The following SGIP1 variants were observed in gnomAD, a reference collection of about 807,000 sequenced individuals.
SGIP1 encodes SH3GL interacting endocytic adaptor 1, also known as SH3-containing GRB2-like protein 3-interacting protein 1.
In SGIP1, 38 loss-of-function variants were observed where a neutral mutation model predicts 107.5. That is an observed-to-expected ratio of 0.35 (90% CI 0.27 to 0.46). The LOEUF (loss-of-function observed/expected upper bound fraction) is 0.46. Ranked by LOEUF, SGIP1 falls within the 20% of genes least tolerant of loss-of-function variation. SGIP1 has a pLI of 1.00. For synonymous variants in SGIP1, 365 were observed against 366.1 expected (o/e 1.00, Z 0.03); for missense variants, 929 against 1,019.5 (o/e 0.91, Z 1.21).
intron 1 of SGIP1, among the ~76,000 whole-genome samples, chr1:66,594,211 T>A (rs368903487): frequency 7.4e-4 from 112 of 152,202 alleles, no homozygotes; most frequent in African/African-American, 2.6e-3. Context: ...ATAAACTTTT[T>A]TTCATTTTAA....
intron 21 of SGIP1, among the ~76,000 whole-genome samples, chr1:66,738,083 T>C (rs1340077177): frequency 6.6e-6 from 1 of 152,226 alleles, no homozygotes; most frequent in Non-Finnish European, 1.5e-5. Flanking sequence ...TCTGCTTTAG[T>C]TAATAGATTT....
chr1:66,643,341 G>A (rs2077113729), intron 6 of SGIP1, among the ~76,000 whole-genome samples: 1 of 152,130 alleles, frequency 6.6e-6, no homozygotes, highest in Admixed American at 6.6e-5. Context: ...TAGAACCATT[G>A]CTTCTTGAAA....
intron 1 of SGIP1, among the ~76,000 whole-genome samples, chr1:66,546,091 T>C (rs1376293334): frequency 2.0e-5 from 3 of 152,170 alleles, no homozygotes; most frequent in South Asian, 2.1e-4. Context: ...AGTTAAAATA[T>C]GCAAAACATT....
intron 1 of SGIP1, among the ~76,000 whole-genome samples, chr1:66,589,380 G>T: frequency 6.7e-6 from 1 of 150,142 alleles, no homozygotes; most frequent in Non-Finnish European, 1.5e-5. Context: ...AAGAAATTCT[G>T]TTCTTAACCC....
At chr1:66,670,787 T>C (rs2083592025) in intron 9 of SGIP1, among the ~76,000 whole-genome samples, 1 of 152,222 alleles carries the variant, frequency 6.6e-6, no homozygotes, top group South Asian at 2.1e-4. Context: ...ATTTACCCTT[T>C]CTTCCTCTCT....
intron 3 of SGIP1, among the ~76,000 whole-genome samples, chr1:66,634,315 C>T (rs888323555): frequency 1.3e-5 from 2 of 152,138 alleles, no homozygotes; most frequent in Non-Finnish European, 2.9e-5. Flanking sequence ...GCTTCTCTAC[C>T]TCTGCCACTC....
chr1:66,630,867 GAAAGAAAGAAAGAAAGAAAGAAA>G (rs2074250937), intron 2 of SGIP1, among the ~76,000 whole-genome samples: 1 of 36,212 alleles, frequency 2.8e-5, no homozygotes, highest in Non-Finnish European at 4.5e-5. Context: ...AAGAAAGAAA[GAAAGAAAGAAAGAAAGAAAGAAA>G]GAAAGAAAGA....
chr1:66,599,321 G>A (rs763361736), intron 1 of SGIP1, among the ~76,000 whole-genome samples: 72 of 152,154 alleles, frequency 4.7e-4, no homozygotes, highest in Non-Finnish European at 8.2e-4. Flanking sequence ...AATCCCATAA[G>A]ATAGGTATAA....
In SGIP1 at chr1:66,695,338, T is replaced by G. The variant is rs755284085; in HGVS notation, c.1571-96T>G. 6.2e-6 allele frequency: 10 copies of G among 1,602,878 alleles called. No homozygotes were observed. In the African/African-American group the frequency reaches 1.4e-4, roughly 22 times the overall value. On this transcript the variant is annotated intron_variant, in intron 17 of 24. Coordinates refer to ENST00000371037, the MANE Select transcript of SGIP1 (RefSeq NM_032291.4). Reference sequence around the variant, plus strand: ...CATGTAGTGCCTCCACCCTTCCCTATAGTGAGATTAATGACCTGCTCTGTA... The same window carrying G: ...CATGTAGTGCCTCCACCCTTCCCTAGAGTGAGATTAATGACCTGCTCTGTA...
chr1:66,663,770 A>C (rs2081989740), intron 8 of SGIP1, among the ~76,000 whole-genome samples: 1 of 152,226 alleles, frequency 6.6e-6, no homozygotes, highest in South Asian at 2.1e-4. Context: ...TTACTAGAAA[A>C]AAAATTAAAC....
At chr1:66,560,278 C>G (rs10889628) in intron 1 of SGIP1, among the ~76,000 whole-genome samples, 49,590 of 151,864 alleles carry the variant, frequency 0.33, 8,609 homozygotes, top group South Asian at 0.63. Context: ...AAATAAGTAC[C>G]CAGTTGATTT....
chr1:66,615,067 C>A (rs1052361712), intron 1 of SGIP1, among the ~76,000 whole-genome samples: 40 of 151,190 alleles, frequency 2.6e-4, no homozygotes, highest in African/African-American at 8.7e-4. Flanking sequence ...GTGATCCACC[C>A]ACCTCGGTCT....
rs186999873 is a variant in SGIP1, at chr1:66,536,938, G to A, written c.10+2570G>A. ...AAGGCACTTCTCTACTTTGTGTAAA[G>A]CAAGAGTAAACAAATATTCAGCAGA... On this transcript the variant is annotated intron_variant, in intron 1 of 24. Transcript: ENST00000371037. 5.4e-4 allele frequency among the ~76,000 whole-genome samples: 83 copies of A among 152,310 alleles called. 2 individuals are homozygous for A. Among genetic ancestry groups the A allele is most frequent in the Non-Finnish European group, 1.2e-4 (8 of 68,016 alleles).
intron 1 of SGIP1, among the ~76,000 whole-genome samples, chr1:66,541,396 T>C (rs2054903927): frequency 2.6e-5 from 4 of 152,256 alleles, no homozygotes; most frequent in African/African-American, 7.2e-5. Context: ...GAATGTCTTG[T>C]GACAGTGCCC....
In SGIP1 at chr1:66,589,202, A is replaced by ATGTGTGTGTG. The variant is rs1265607889; in HGVS notation, c.11-36644_11-36643insGTGTGTGTGT. On this transcript the variant is annotated intron_variant, in intron 1 of 24. Coordinates refer to ENST00000371037, the MANE Select transcript of SGIP1 (RefSeq NM_032291.4). ...TATATATATATATATATATATATAT[A>ATGTGTGTGTG]TATATATATATATATGTAAGGCTTG... is the stretch of plus-strand genomic sequence containing the variant. Among the ~76,000 whole-genome samples, 57 of 52,586 alleles carry ATGTGTGTGTG rather than the reference A, an allele frequency of 1.1e-3. 1 individual carries two copies. Among genetic ancestry groups the ATGTGTGTGTG allele is most frequent in the South Asian group, 3.1e-3 (2 of 650 alleles). 34.5% of individuals were successfully genotyped at this position (52,586 alleles called of 152,430 possible).
rs1197339481 is a variant in SGIP1, at chr1:66,750,036, GGTGTGT to G, written c.*6968_*6973del. 8.7e-3 allele frequency among the ~76,000 whole-genome samples: 1,033 copies of G among 119,152 alleles called. 12 individuals are homozygous for G. Among genetic ancestry groups the G allele is most frequent in the African/African-American group, 0.028 (890 of 31,534 alleles). 78.2% of individuals were successfully genotyped at this position (119,152 alleles called of 152,430 possible). ...CTCTCTTTCTCTGTGTGTGTGTGGG[GGTGTGT>G]GTGTGTGTGTGTGTGTGTGTGTGTG... On this transcript the variant is annotated 3_prime_UTR_variant, in exon 25 of 25. Transcript: ENST00000371037.
intron 4 of SGIP1, among the ~76,000 whole-genome samples, chr1:66,638,351 AG>A (rs1380507976): frequency 1.3e-5 from 2 of 152,208 alleles, no homozygotes; most frequent in East Asian, 3.8e-4. Flanking sequence ...TTCGTATGAC[AG>A]GTTTTACAAA....
chr1:66,633,141 T>C (rs772968166), intron 3 of SGIP1, 47 bp downstream of exon 3: 2 of 1,269,790 alleles, frequency 1.6e-6, no homozygotes, highest in Non-Finnish European at 2.3e-6. Flanking sequence ...CTTCAATATA[T>C]GCTATGTTTA....
At chr1:66,666,388 T>C in intron 8 of SGIP1, 1 of 176,544 alleles carries the variant, frequency 5.7e-6, no homozygotes, top group Non-Finnish European at 1.2e-5. Flanking sequence ...TGTAGCATAG[T>C]TTAAAGTCAG....
Sources: gnomAD v4.1 joint callset for allele counts (sites outside exome capture counted in the v4.1 genomes callset) on GRCh38, gnomAD v4.1.1 for gene constraint, MANE v1.5 for transcripts, NCBI Gene and HGNC (gene_info 2026-07-23, HGNC 2026-07-21) for gene names.